Variants in PCDHGB3 observed in about 807,000 individuals in gnomAD.
The protein encoded by PCDHGB3 is protocadherin gamma-B3.
PCDHGB3 carries 40 observed loss-of-function variants against 59.2 expected under a neutral mutation model. The ratio of observed to expected loss-of-function variants is 0.68; its 90% CI spans 0.52 to 0.88. The LOEUF is 0.88. Ranked by LOEUF, PCDHGB3 falls within the 40% of genes least tolerant of loss-of-function variation. The pLI is 0.00. For synonymous variants in PCDHGB3, 581 were observed against 503.6 expected (o/e 1.15, Z -2.06); for missense variants, 1,309 against 1,187.9 (o/e 1.10, Z -1.50).
intron 1 of PCDHGB3, among the ~76,000 whole-genome samples, chr5:141,456,483 CTTAATA>C (rs2098861684): frequency 1.3e-5 from 2 of 152,072 alleles, no homozygotes; most frequent in African/African-American, 4.8e-5. Context: ...CAAGAGAGTG[CTTAATA>C]AAGGGGTTAA....
intron 1 of PCDHGB3, chr5:141,385,278 A>G (rs776235211): frequency 7.4e-6 from 12 of 1,613,478 alleles, no homozygotes; most frequent in Non-Finnish European, 1.0e-5. Flanking sequence ...CTTTGCTAAC[A>G]TCCGTAGATT....
intron 1 of PCDHGB3, chr5:141,439,815 T>C (rs1027862858): frequency 5.3e-5 from 8 of 152,314 alleles, no homozygotes; most frequent in African/African-American, 1.9e-4. Flanking sequence ...AAGGGGCTTA[T>C]TTGGGCTGGA....
Position 141,409,737 on chromosome 5 carries a change from G to C in PCDHGB3, c.2415+36928G>C, listed in dbSNP as rs199531162. The C allele has an allele frequency of 1.4e-3, 2,254 of 1,613,108 alleles. 2 individuals carry two copies. Among genetic ancestry groups the C allele is most frequent in the Non-Finnish European group, 1.8e-3 (2,079 of 1,179,866 alleles). On this transcript the variant is annotated intron_variant, in intron 1 of 3. Coordinates refer to ENST00000576222, the MANE Select transcript of PCDHGB3 (RefSeq NM_018924.5). ...TACGTGTCAGTGAGCGCGCAGAGCGGGGTGGTGTTCGCGCAGCGCGCCTTT... is the reference window on the plus strand; with the variant it reads ...TACGTGTCAGTGAGCGCGCAGAGCGCGGTGGTGTTCGCGCAGCGCGCCTTT...
At chr5:141,374,285 T>A in intron 1 of PCDHGB3, 1 of 1,613,970 alleles carries the variant, frequency 6.2e-7, no homozygotes. Flanking sequence ...CCGCATCGTC[T>A]CCAGAGGTAG....
intron 1 of PCDHGB3, chr5:141,407,937 C>G: frequency 2.0e-6 from 1 of 511,428 alleles, no homozygotes; most frequent in Non-Finnish European, 3.3e-6. Context: ...AGCCTCTGGG[C>G]GCCGCTGTCG....
In PCDHGB3 at chr5:141,476,467, G is replaced by A. The variant is rs375302797; in HGVS notation, c.2416-18340G>A. On this transcript the variant is annotated intron_variant, in intron 1 of 3. Transcript: ENST00000576222. This position sits in a 1 kb window ranked among gnomAD's most constrained non-coding sequence, Gnocchi z 7.6. Reference sequence around the variant, plus strand: ...AGTTGGTAGTGGAGAACCCGCTGGAGCTGTTCAGCGTGGAAGTGGTGATCC... The same window carrying A: ...AGTTGGTAGTGGAGAACCCGCTGGAACTGTTCAGCGTGGAAGTGGTGATCC... The A allele has an allele frequency of 2.3e-5, 37 of 1,614,142 alleles. No individual in the cohort carries two copies. The African/African-American group carries it at 4.5e-4, about 20-fold the overall frequency.
intron 1 of PCDHGB3, among the ~76,000 whole-genome samples, chr5:141,459,312 G>A (rs968359414): frequency 6.6e-6 from 1 of 152,084 alleles, no homozygotes; most frequent in African/African-American, 2.4e-5. Flanking sequence ...ATACTATTTT[G>A]TATCCATCTT....
rs1177043977 is a variant in PCDHGB3, at chr5:141,491,919, C to G, written c.2416-2888C>G. On this transcript the variant is annotated intron_variant, in intron 1 of 3. Coordinates refer to ENST00000576222, the MANE Select transcript of PCDHGB3 (RefSeq NM_018924.5). The surrounding 1 kb of genome is among the most constrained non-coding windows in gnomAD (Gnocchi z 6.9). ...CACCGGGGGTGGTGGCGACTGTGGG[C>G]GAGGGGAGGTGGGACCGACCCCCAC... 5 of 1,361,900 alleles carry G rather than the reference C, an allele frequency of 3.7e-6. No homozygotes were observed. The South Asian group carries it at 7.8e-5, about 21-fold the overall frequency. The allele number at this position is 1,361,900 out of a possible 1,614,324, so 84.4% of individuals were successfully genotyped here. A position where few individuals can be genotyped will look rare whatever the true frequency, so the allele number is the denominator to read the frequency against.
At chr5:141,381,038 T>G (rs1422573690) in intron 1 of PCDHGB3, among the ~76,000 whole-genome samples, 1 of 152,262 alleles carries the variant, frequency 6.6e-6, no homozygotes, top group Non-Finnish European at 1.5e-5. Context: ...TTAAACAAAA[T>G]TTATCTACTT....
chr5:141,419,993 G>T (rs754254084), intron 1 of PCDHGB3: 5 of 1,614,056 alleles, frequency 3.1e-6, no homozygotes, highest in Middle Eastern at 1.6e-4. Context: ...TCTAGCTATT[G>T]CTCTACGCCT....
In PCDHGB3 at chr5:141,384,908, A is replaced by C. The variant is rs868472813; in HGVS notation, c.2415+12099A>C. 24 of 1,613,860 alleles carry C rather than the reference A, an allele frequency of 1.5e-5. 1 individual carries two copies. The highest frequency in any genetic ancestry group is 9.9e-5 in the South Asian group (9 of 91,086). ...GTGGCTGTGGCTGACAGCATCCCCG[A>C]AGTCTTGGCCGACCTGGGCAGCCTT... On this transcript the variant is annotated intron_variant, in intron 1 of 3. Coordinates refer to ENST00000576222, the MANE Select transcript of PCDHGB3 (RefSeq NM_018924.5).
chr5:141,400,319 C>A lies in PCDHGB3; in HGVS notation c.2415+27510C>A, dbSNP rs762588918. ...TTCCAACCTGGTCTCTGTGTCAAGTCTGGACCTGTGGTTCCCCCCAACTAC... is the reference window on the plus strand; with the variant it reads ...TTCCAACCTGGTCTCTGTGTCAAGTATGGACCTGTGGTTCCCCCCAACTAC... On this transcript the variant is annotated intron_variant, in intron 1 of 3. Coordinates refer to ENST00000576222, the MANE Select transcript of PCDHGB3 (RefSeq NM_018924.5). The A allele has an allele frequency of 4.3e-6, 7 of 1,614,092 alleles. No individual in the cohort carries two copies. In the South Asian group the frequency reaches 7.7e-5, roughly 18 times the overall value.
intron 1 of PCDHGB3, among the ~76,000 whole-genome samples, chr5:141,386,272 C>T (rs997122540): frequency 1.3e-5 from 2 of 152,150 alleles, no homozygotes; most frequent in African/African-American, 2.4e-5. Context: ...TAACTACTTC[C>T]ATATTCTTTT....
chr5:141,419,275 G>A, intron 1 of PCDHGB3: 26 of 1,613,974 alleles, frequency 1.6e-5, no homozygotes, highest in Non-Finnish European at 2.2e-5. Flanking sequence ...CCTCCATAGC[G>A]CAAGTCAGTG....
At chr5:141,389,724 C>A in intron 1 of PCDHGB3, 3 of 1,612,722 alleles carry the variant, frequency 1.9e-6, no homozygotes, top group African/African-American at 1.3e-5. Context: ...CGAGCCCGGG[C>A]TCTTCAGCCT....
chr5:141,400,236 G>C (rs1195592972), intron 1 of PCDHGB3: 6 of 1,613,868 alleles, frequency 3.7e-6, no homozygotes, highest in African/African-American at 1.3e-5. Flanking sequence ...TCCTGGCCGT[G>C]ATTCTGGCCG....
chr5:141,422,349 T>G, intron 1 of PCDHGB3: 1 of 1,554,722 alleles, frequency 6.4e-7, no homozygotes, highest in South Asian at 1.3e-5. Flanking sequence ...ATGTGCAAGA[T>G]CAAGATTCTG....
chr5:141,459,939 G>A (rs377668643), intron 1 of PCDHGB3, among the ~76,000 whole-genome samples: 7 of 152,256 alleles, frequency 4.6e-5, no homozygotes, highest in Non-Finnish European at 7.4e-5. Flanking sequence ...GTAGCTGGGC[G>A]TGATGGCAGG....
intron 1 of PCDHGB3, chr5:141,409,922 T>C (rs752487198): frequency 1.2e-6 from 2 of 1,613,182 alleles, no homozygotes; most frequent in African/African-American, 2.7e-5. Context: ...CGGCTCCGCG[T>C]TCTTCGATAT....
Sources: gnomAD v4.1 joint callset for allele counts (sites outside exome capture counted in the v4.1 genomes callset) on GRCh38, gnomAD v4.1.1 for gene constraint, Gnocchi (gnomAD v3.1) non-coding constraint, MANE v1.5 for transcripts, NCBI Gene and HGNC (gene_info 2026-07-23, HGNC 2026-07-21) for gene names.